The following RASGRF1 variants were observed in gnomAD, a reference collection of about 807,000 sequenced individuals.
RASGRF1 encodes the protein Ras protein specific guanine nucleotide releasing factor 1.
In RASGRF1, 40 loss-of-function variants were observed where a neutral mutation model predicts 138.7. The observed-to-expected ratio is 0.29, with a 90% CI of 0.22 to 0.38. RASGRF1 has a LOEUF of 0.38. Among genes scored for constraint, RASGRF1 ranks in the 10% least tolerant of loss-of-function variants. RASGRF1 has a pLI of 1.00. For missense variants in RASGRF1, 1,108 were observed against 1,650.4 expected, an observed-to-expected ratio of 0.67 and a Z score of 5.69; for synonymous variants, 614 against 663.2, an observed-to-expected ratio of 0.93 and a Z score of 1.14.
chr15:78,972,732 A>G (rs1267620267), intron 25 of RASGRF1, among the ~76,000 whole-genome samples: 1 of 151,880 alleles, frequency 6.6e-6, no homozygotes, highest in Non-Finnish European at 1.5e-5. Context: ...TGGCGAAGTG[A>G]GAGGGGAGAA....
At chr15:78,971,783 G>C (rs2055765754) in intron 26 of RASGRF1, 83 bp downstream of exon 26, 5 of 1,260,890 alleles carry the variant, frequency 4.0e-6, no homozygotes, top group Non-Finnish European at 5.8e-6. Context: ...AAAGTGGACG[G>C]GTATGGAGGG....
chr15:78,977,971 A>G (rs964007637), intron 24 of RASGRF1, among the ~76,000 whole-genome samples: 13 of 152,198 alleles, frequency 8.5e-5, no homozygotes. Flanking sequence ...GAACAGGCAT[A>G]GGACTTTGCC....
intron 5 of RASGRF1, among the ~76,000 whole-genome samples, chr15:79,037,961 T>G (rs1273377203): frequency 6.6e-6 from 1 of 152,058 alleles, no homozygotes; most frequent in Non-Finnish European, 1.5e-5. Context: ...CAGTTCATGA[T>G]AGGGTTTGTG....
chr15:78,995,972 C>A (rs778960600), intron 19 of RASGRF1, among the ~76,000 whole-genome samples, 172 bp from the exon 20 acceptor site: 4 of 152,220 alleles, frequency 2.6e-5, no homozygotes, highest in East Asian at 1.9e-4. Flanking sequence ...ATGGTCCTGG[C>A]GCTCCTGGCT....
At chr15:79,026,893 G>T (rs1297292172) in intron 9 of RASGRF1, among the ~76,000 whole-genome samples, 2 of 152,190 alleles carry the variant, frequency 1.3e-5, no homozygotes, top group Non-Finnish European at 2.9e-5. Context: ...CACAGGGTGG[G>T]CCTGGGGAAG....
intron 19 of RASGRF1, chr15:78,997,881 C>G: frequency 1.7e-6 from 1 of 573,928 alleles, no homozygotes. Context: ...CAAGGTCTGG[C>G]GCAGGGTGGG....
intron 8 of RASGRF1, among the ~76,000 whole-genome samples, chr15:79,028,574 T>C (rs1036484632): frequency 3.9e-5 from 6 of 151,976 alleles, no homozygotes; most frequent in African/African-American, 1.5e-4. Context: ...TTTTACAAAA[T>C]GGCGTTGGTG....
At chr15:78,998,008 G>T (rs1015452374) in intron 19 of RASGRF1, 88 bp downstream of exon 19, 1 of 1,178,264 alleles carries the variant, frequency 8.5e-7, no homozygotes, top group Non-Finnish European at 1.3e-6. Context: ...TTCACCTCCC[G>T]GGCCTCTGAC....
chr15:79,052,477 G>T (rs1321150132), intron 3 of RASGRF1, among the ~76,000 whole-genome samples: 1 of 152,028 alleles, frequency 6.6e-6, no homozygotes, highest in Admixed American at 6.5e-5. Context: ...GTTTCCCTTT[G>T]TGCCAACCTT....
chr15:79,005,345 A>G (rs964035146), intron 14 of RASGRF1: 12 of 985,368 alleles, frequency 1.2e-5, no homozygotes, highest in East Asian at 1.1e-4. Context: ...TGCTCCAGGC[A>G]GCCCTAGAGC....
intron 22 of RASGRF1, chr15:78,985,858 G>A (rs1027655022): frequency 6.9e-6 from 1 of 145,938 alleles, no homozygotes; most frequent in Non-Finnish European, 1.5e-5. Flanking sequence ...CCAGGAGGTG[G>A]ATGTTTCAGT....
intron 5 of RASGRF1, among the ~76,000 whole-genome samples, chr15:79,040,965 T>C (rs2057290104): frequency 6.6e-6 from 1 of 152,136 alleles, no homozygotes; most frequent in African/African-American, 2.4e-5. Context: ...CAGACAGTGG[T>C]CTCCCTGTGT....
chr15:78,999,403 T>C (rs1262442104), intron 17 of RASGRF1, among the ~76,000 whole-genome samples: 2 of 152,120 alleles, frequency 1.3e-5, no homozygotes, highest in African/African-American at 2.4e-5. Flanking sequence ...GCCCTAGATG[T>C]GCAGTGGCCC....
At chr15:78,992,791 G>A (rs1161497274) in intron 20 of RASGRF1, among the ~76,000 whole-genome samples, 2 of 152,156 alleles carry the variant, frequency 1.3e-5, no homozygotes, top group Non-Finnish European at 2.9e-5. Flanking sequence ...CCCATCTGCC[G>A]GGTCCCAAGG....
chr15:78,970,621 C>CAAAAAAAAAAAAAA (rs55689628), intron 26 of RASGRF1, among the ~76,000 whole-genome samples: 3 of 57,898 alleles, frequency 5.2e-5, no homozygotes, highest in Non-Finnish European at 1.0e-4. Flanking sequence ...GACTCTGTCT[C>CAAAAAAAAAAAAAA]AAAAAAAAAA....
At position 79,032,021 on chromosome 15, in the gene RASGRF1, C is replaced by T. The variant is rs2057146937; in HGVS notation, c.1152+102G>A. On this transcript the variant is annotated intron_variant, in intron 7 of 26. Coordinates refer to ENST00000558480, the MANE Select transcript of RASGRF1 (RefSeq NM_001145648.3). This position sits in a 1 kb window ranked among gnomAD's most constrained non-coding sequence, Gnocchi z 4.5. ...CCACCTCCCCCGCCCCCTTTGGCAG[C>T]CCAGAGCTGGGGTGCGTTAAGCACT... 8.0e-6 allele frequency: 11 copies of T among 1,381,804 alleles called. No individual in the cohort carries two copies. The highest frequency in any genetic ancestry group is 1.1e-5 in the Non-Finnish European group (11 of 1,024,114). 85.6% of individuals were successfully genotyped at this position (1,381,804 alleles called of 1,614,324 possible). A position where few individuals can be genotyped will look rare whatever the true frequency, so the allele number is the denominator to read the frequency against.
At chr15:79,000,028 C>T in intron 16 of RASGRF1, 115 bp from the exon 17 acceptor site, 1 of 1,089,978 alleles carries the variant, frequency 9.2e-7, no homozygotes, top group South Asian at 1.5e-5. Context: ...GCTGTGTCTT[C>T]AGGGTACCAG....
intron 1 of RASGRF1, among the ~76,000 whole-genome samples, chr15:79,082,894 G>T (rs981562624): frequency 2.0e-5 from 3 of 152,104 alleles, no homozygotes; most frequent in African/African-American, 7.2e-5. Context: ...CAGGGACCTG[G>T]GTCACTGCTA....
intron 13 of RASGRF1, among the ~76,000 whole-genome samples, chr15:79,010,032 GTTTTT>G (rs1002867378): frequency 2.3e-5 from 3 of 128,858 alleles, no homozygotes; most frequent in African/African-American, 9.0e-5. Flanking sequence ...CTCTTTGTTT[GTTTTT>G]TTTTTTTTTT....
Sources: allele counts gnomAD v4.1 joint callset (sites outside exome capture counted in the v4.1 genomes callset), GRCh38; gene constraint gnomAD v4.1.1; non-coding constraint Gnocchi (gnomAD v3.1); transcripts MANE v1.5; gene names NCBI Gene and HGNC (gene_info 2026-07-23, HGNC 2026-07-21).